The following CFAP44 variants were observed in gnomAD, a reference collection of about 807,000 sequenced individuals.
The protein encoded by CFAP44 is cilia- and flagella-associated protein 44.
Under a neutral mutation model 216.2 loss-of-function variants are expected in CFAP44, and 134 were observed. The ratio of observed to expected loss-of-function variants is 0.62; its 90% CI spans 0.54 to 0.72. CFAP44 has a LOEUF of 0.72. Ranked by LOEUF, CFAP44 falls within the 30% of genes least tolerant of loss-of-function variation. The pLI, the probability that CFAP44 is intolerant of heterozygous loss-of-function variation, is 0.00. For missense variants in CFAP44, 2,035 were observed against 2,182.1 expected (o/e 0.93, Z 1.34); for synonymous variants, 700 against 727.6 (o/e 0.96, Z 0.61).
In CFAP44 at chr3:113,416,560, T is replaced by C; in HGVS notation, c.638A>G (p.Glu213Gly). 6.2e-7 allele frequency: 1 copy of C among 1,612,460 alleles called. No homozygotes were observed. ...KGSFPDIIIY[E>G]YPSLRPYRVL... ...TCTGTATGGTCTCAGAGAAGGATAT[T>C]CATAGATGATAATATCTGGAAAACT... The change falls in exon 6 of 35, where the codon GAA becomes GGA. Residue 213 changes from glutamate (E) to glycine (G), a missense_variant. This residue lies in a region of CFAP44 where 1,883 missense variants were observed against 2,023.7 expected (regional missense o/e 0.93). Coordinates refer to ENST00000393845, the MANE Select transcript of CFAP44 (RefSeq NM_001164496.2).
intron 22 of CFAP44, among the ~76,000 whole-genome samples, chr3:113,349,406 A>T (rs1950419930): frequency 6.6e-6 from 1 of 152,218 alleles, no homozygotes; most frequent in South Asian, 2.1e-4. Flanking sequence ...TACCAAGAGG[A>T]ACATGCCGAA....
Position 113,326,444 on chromosome 3 carries a change from C to G in CFAP44, c.4516+1G>C. 1 of 1,492,476 alleles carries G rather than the reference C, an allele frequency of 6.7e-7. No homozygotes were observed. The highest frequency in any genetic ancestry group is 1.4e-5 in the African/African-American group (1 of 70,590). The allele number at this position is 1,492,476 out of a possible 1,614,324, so 92.5% of individuals were successfully genotyped here. A position where few individuals can be genotyped will look rare whatever the true frequency, so the allele number is the denominator to read the frequency against. Reference sequence around the variant, plus strand: ...ATCATATGCAAGAAAGAAATACAAACCAGCATCTCCTTCAACTTCTTTTTT... The same window carrying G: ...ATCATATGCAAGAAAGAAATACAAAGCAGCATCTCCTTCAACTTCTTTTTT... On this transcript the variant is annotated splice_donor_variant, in intron 28 of 34. Coordinates refer to ENST00000393845, the MANE Select transcript of CFAP44 (RefSeq NM_001164496.2). LOFTEE classifies it high-confidence loss of function.
At chr3:113,416,423 T>A (rs369386205) in intron 6 of CFAP44, 102 bp downstream of exon 6, 4 of 880,048 alleles carry the variant, frequency 4.5e-6, no homozygotes, top group African/African-American at 1.7e-5. Flanking sequence ...TTCCACTAGT[T>A]CTGTTTCTCT....
At chr3:113,335,458 T>C (rs980384674) in intron 24 of CFAP44, among the ~76,000 whole-genome samples, 5 of 152,184 alleles carry the variant, frequency 3.3e-5, no homozygotes, top group African/African-American at 1.2e-4. Flanking sequence ...TCTGGAAATC[T>C]ACATAGCGCC....
chr3:113,431,545 A>G (rs1935106314), intron 2 of CFAP44, among the ~76,000 whole-genome samples: 1 of 152,212 alleles, frequency 6.6e-6, no homozygotes, highest in Non-Finnish European at 1.5e-5. Context: ...GGAACAAACT[A>G]AAGTTTCTGA....
intron 28 of CFAP44, among the ~76,000 whole-genome samples, 183 bp downstream of exon 28, chr3:113,326,262 C>T (rs758552506): frequency 6.6e-6 from 1 of 152,200 alleles, no homozygotes; most frequent in Non-Finnish European, 1.5e-5. Context: ...AACATGCACA[C>T]AGATTAACTC....
At chr3:113,316,627 G>C (rs1950090365) in intron 28 of CFAP44, among the ~76,000 whole-genome samples, 1 of 152,116 alleles carries the variant, frequency 6.6e-6, no homozygotes, top group East Asian at 1.9e-4. Context: ...CTAGCACTTT[G>C]AGAGACCGAG....
chr3:113,297,594 G>A (rs1949894657), intron 32 of CFAP44, among the ~76,000 whole-genome samples: 1 of 152,076 alleles, frequency 6.6e-6, no homozygotes, highest in African/African-American at 2.4e-5. Flanking sequence ...GTCTTTCCAT[G>A]GAGGCTTTCC....
chr3:113,352,476 G>A (rs1266293881), intron 22 of CFAP44, among the ~76,000 whole-genome samples: 1 of 152,146 alleles, frequency 6.6e-6, no homozygotes, highest in Non-Finnish European at 1.5e-5. Context: ...GAACCCACTG[G>A]AAGGAACCAA....
intron 22 of CFAP44, among the ~76,000 whole-genome samples, chr3:113,347,204 T>C (rs1181718523): frequency 1.3e-5 from 2 of 152,198 alleles, no homozygotes; most frequent in African/African-American, 2.4e-5. Context: ...AAGGGCTCTC[T>C]AACAACCCCC....
At chr3:113,436,745 T>G (rs555522702) in intron 1 of CFAP44, among the ~76,000 whole-genome samples, 59 of 152,348 alleles carry the variant, frequency 3.9e-4, no homozygotes, top group African/African-American at 1.3e-3. Flanking sequence ...AAACTGATAT[T>G]CTACTGCTGC....
At chr3:113,295,297 G>T (rs540785220) in intron 33 of CFAP44, among the ~76,000 whole-genome samples, 1 of 152,122 alleles carries the variant, frequency 6.6e-6, no homozygotes, top group Non-Finnish European at 1.5e-5. Flanking sequence ...TAACTTCTGG[G>T]CTCAAGTGAT....
chr3:113,380,776 A>T, intron 16 of CFAP44, 123 bp downstream of exon 16: 1 of 779,900 alleles, frequency 1.3e-6, no homozygotes, highest in Non-Finnish European at 1.8e-6. Flanking sequence ...CAGATTATAA[A>T]CTCCTTAAGT....
In CFAP44 at chr3:113,409,373, T is replaced by G. The variant is rs752769975; in HGVS notation, c.674-51A>C. 10 of 1,529,692 alleles carry G rather than the reference T, an allele frequency of 6.5e-6. No individual in the cohort carries two copies. In the African/African-American group the frequency reaches 1.2e-4, roughly 19 times the overall value. 94.8% of individuals were successfully genotyped at this position (1,529,692 alleles called of 1,614,324 possible). ...AAATAAGGACACATTTATTTCATTT[T>G]CAAAAACATATTGTAAAAAAAAGAG... On this transcript the variant is annotated intron_variant, in intron 6 of 34. Coordinates refer to ENST00000393845, the MANE Select transcript of CFAP44 (RefSeq NM_001164496.2).
chr3:113,304,083 T>C lies in CFAP44; in HGVS notation c.4910A>G (p.Asp1637Gly). The change falls in exon 32 of 35, where the codon GAT becomes GGT. Residue 1637 changes from aspartate (D) to glycine (G), a missense_variant. By Grantham distance (94) the Asp-to-Gly change is moderately conservative. Around this residue, in one of 3 missense-constraint regions of CFAP44, gnomAD observed 1,883 missense variants for 2,023.7 expected, o/e 0.93. Transcript: ENST00000393845. ...EYVVFGEIPS[D>G]LSGTLVFSNH... is the part of the protein sequence containing the mutation. Reference sequence around the variant, plus strand: ...AGAGAAGACCAAAGTACCAGAAAGATCGCTAGGTATTTCTCCAAATACCAC... The same window carrying C: ...AGAGAAGACCAAAGTACCAGAAAGACCGCTAGGTATTTCTCCAAATACCAC... 2.0e-6 allele frequency: 3 copies of C among 1,537,262 alleles called. No homozygotes were observed. Among genetic ancestry groups the C allele is most frequent in the South Asian group, 2.4e-5 (2 of 84,056 alleles).
intron 28 of CFAP44, among the ~76,000 whole-genome samples, chr3:113,313,633 C>G (rs553845570): frequency 2.0e-5 from 3 of 152,202 alleles, no homozygotes; most frequent in Admixed American, 1.3e-4. Context: ...TGGGAGGGAC[C>G]TGGTGGGAAA....
chr3:113,302,524 G>A (rs1487141328), intron 32 of CFAP44, among the ~76,000 whole-genome samples: 1 of 148,544 alleles, frequency 6.7e-6, no homozygotes, highest in Non-Finnish European at 1.5e-5. Context: ...CCAGCACTTT[G>A]GGAGGCCAAG....
chr3:113,420,411 A>T (rs1934782396), intron 4 of CFAP44, among the ~76,000 whole-genome samples: 1 of 152,174 alleles, frequency 6.6e-6, no homozygotes, highest in Admixed American at 6.6e-5. Context: ...TAAATAAATA[A>T]ATCAGGTGAC....
intron 5 of CFAP44, chr3:113,417,152 A>G (rs1306616384): frequency 6.6e-6 from 1 of 152,256 alleles, no homozygotes; most frequent in Non-Finnish European, 1.5e-5. Context: ...TCTACCCTAC[A>G]TATAAATCAA....
Sources: allele counts gnomAD v4.1 joint callset (sites outside exome capture counted in the v4.1 genomes callset), GRCh38; gene constraint gnomAD v4.1.1; regional missense constraint gnomAD v4.1.1; transcripts MANE v1.5; gene names NCBI Gene and HGNC (gene_info 2026-07-23, HGNC 2026-07-21).